Variants in SHCBP1L observed in about 807,000 individuals in gnomAD.
SHCBP1L encodes the protein testicular spindle-associated protein SHCBP1L.
In SHCBP1L, 67 loss-of-function variants were observed where a neutral mutation model predicts 62.5. The observed-to-expected ratio is 1.07, with a 90% CI of 0.88 to 1.31. SHCBP1L has a LOEUF of 1.31. Ranked by LOEUF, SHCBP1L falls within the 40% of genes most tolerant of loss-of-function variation. The probability of loss-of-function intolerance (pLI) is 0.00; values close to 1 mark genes in which losing one functional copy is unlikely to be tolerated. For missense variants in SHCBP1L, 823 were observed against 809.8 expected (o/e 1.02, Z -0.20); for synonymous variants, 284 against 289.4 (o/e 0.98, Z 0.19).
chr1:182,900,085 ATC>A lies in SHCBP1L; in HGVS notation c.1858_1859del (p.Asp620Ter). On this transcript the variant is annotated frameshift_variant, in exon 10 of 10. Transcript: ENST00000367547. LOFTEE classifies it high-confidence loss of function. The part of the protein sequence containing the change: ...NKRASSGDKK[D>X]DKMLFKVMQN... The stretch of plus-strand genomic sequence containing the variant: ...GCATTACTTTGAAGAGCATTTTATC[ATC>A]TTTTTTATCTCCTGAAGAAGCCCTT... The A allele has an allele frequency of 6.2e-7, 1 of 1,612,754 alleles. No individual in the cohort carries two copies. Among genetic ancestry groups the A allele is most frequent in the Non-Finnish European group, 8.5e-7 (1 of 1,179,282 alleles).
Position 182,907,580 on chromosome 1 carries a change from ATTG to A in SHCBP1L, c.1183-1934_1183-1932del, listed in dbSNP as rs201959486. 3.0e-3 allele frequency among the ~76,000 whole-genome samples: 454 copies of A among 150,726 alleles called. 8 individuals carry two copies. The highest frequency in any genetic ancestry group is 2.1e-3 in the South Asian group (10 of 4,782). ...TCTTATTCTTATTATTATTATTATT[ATTG>A]TTATTATTATTACTATTTTGAGATG... On this transcript the variant is annotated intron_variant, in intron 6 of 9. Transcript: ENST00000367547.
intron 2 of SHCBP1L, chr1:182,942,483 C>A: frequency 1.6e-6 from 1 of 643,098 alleles, no homozygotes; most frequent in South Asian, 1.7e-5. Flanking sequence ...GCTGCCTGGC[C>A]GCTGCCACTC....
chr1:182,939,206 A>G lies in SHCBP1L; in HGVS notation c.1046T>C (p.Leu349Ser). 1 of 1,612,394 alleles carries G rather than the reference A, an allele frequency of 6.2e-7. No individual in the cohort carries two copies. The highest frequency in any genetic ancestry group is 8.5e-7 in the Non-Finnish European group (1 of 1,179,590). The change falls in exon 5 of 10, where the codon TTA becomes TCA. Residue 349 changes from leucine (L) to serine (S), a missense_variant. Physicochemically the swap from Leu to Ser is moderately radical, Grantham distance 145. Coordinates refer to ENST00000367547, the MANE Select transcript of SHCBP1L (RefSeq NM_030933.4). ...KYYEIVMLCG[L>S]LKMWEDLRLR... is the part of the protein sequence containing the mutation. ...GCGTAAATCTTCCCACATTTTCAGTAATCCACAGAGCATGACTATCTCATA... is the reference window on the plus strand; with the variant it reads ...GCGTAAATCTTCCCACATTTTCAGTGATCCACAGAGCATGACTATCTCATA...
At chr1:182,907,087 G>A (rs938558666) in intron 6 of SHCBP1L, among the ~76,000 whole-genome samples, 3 of 151,896 alleles carry the variant, frequency 2.0e-5, no homozygotes, top group African/African-American at 7.2e-5. Flanking sequence ...AGAGTGCTGG[G>A]ATTACAGGTA....
chr1:182,951,166 CCTT>C, intron 2 of SHCBP1L, 149 bp downstream of exon 2: 1 of 546,174 alleles, frequency 1.8e-6, no homozygotes, highest in Non-Finnish European at 3.0e-6. Context: ...ATTCCCCTAA[CCTT>C]CTTTTTACAC....
chr1:182,949,161 A>C (rs1367392399), intron 2 of SHCBP1L, among the ~76,000 whole-genome samples: 1 of 152,138 alleles, frequency 6.6e-6, no homozygotes, highest in African/African-American at 2.4e-5. Flanking sequence ...TATAGGGGCT[A>C]TCATGAGGTA....
At chr1:182,949,487 G>A (rs1229423100) in intron 2 of SHCBP1L, among the ~76,000 whole-genome samples, 2 of 151,820 alleles carry the variant, frequency 1.3e-5, no homozygotes, top group East Asian at 1.9e-4. Flanking sequence ...ACTTGAGGTC[G>A]GGGGTTCGAG....
chr1:182,924,912 AG>A (rs1310726635), intron 6 of SHCBP1L, among the ~76,000 whole-genome samples: 203 of 135,152 alleles, frequency 1.5e-3, no homozygotes, highest in African/African-American at 5.2e-3. Context: ...AGAGAAAGAA[AG>A]GAAAGGAAGG....
At chr1:182,942,006 C>T in intron 2 of SHCBP1L, 1 of 985,042 alleles carries the variant, frequency 1.0e-6, no homozygotes, top group Admixed American at 2.0e-5. Flanking sequence ...TCTAGAGCTA[C>T]TAAAAAACTT....
chr1:182,919,735 G>A (rs565754217), intron 6 of SHCBP1L, among the ~76,000 whole-genome samples: 2 of 152,272 alleles, frequency 1.3e-5, no homozygotes, highest in African/African-American at 4.8e-5. Context: ...CGTTCACTGA[G>A]GAAGATCAAA....
At chr1:182,925,049 A>AAAGGGAAGG (rs1386090518) in intron 6 of SHCBP1L, among the ~76,000 whole-genome samples, 31 of 117,802 alleles carry the variant, frequency 2.6e-4, no homozygotes, top group African/African-American at 4.2e-4. Context: ...GGAAGGGAAG[A>AAAGGGAAGG]AAGGGAAGGA....
chr1:182,925,117 G>A (rs1303387226), intron 6 of SHCBP1L, among the ~76,000 whole-genome samples: 1 of 151,874 alleles, frequency 6.6e-6, no homozygotes, highest in Non-Finnish European at 1.5e-5. Flanking sequence ...AAAGAAAGAA[G>A]GAGGGGGAGG....
intron 5 of SHCBP1L, among the ~76,000 whole-genome samples, chr1:182,936,686 G>A (rs1651186724): frequency 6.6e-6 from 1 of 151,798 alleles, no homozygotes; most frequent in Non-Finnish European, 1.5e-5. Flanking sequence ...AGTAATCCAT[G>A]AGCTTTAATT....
chr1:182,915,378 T>C lies in SHCBP1L; in HGVS notation c.1183-9729A>G, dbSNP rs114965789. On this transcript the variant is annotated intron_variant, in intron 6 of 9. Transcript: ENST00000367547. ...TATTATATATTAACAAAAGAGTTAA[T>C]TCATCAAGAAGATGTACCAATAAGC... 4.4e-3 allele frequency among the ~76,000 whole-genome samples: 676 copies of C among 152,188 alleles called. 3 individuals are homozygous for C. The highest frequency in any genetic ancestry group is 0.015 in the African/African-American group (606 of 41,530).
At chr1:182,946,139 C>T (rs1228034398) in intron 2 of SHCBP1L, among the ~76,000 whole-genome samples, 1 of 150,918 alleles carries the variant, frequency 6.6e-6, no homozygotes, top group Non-Finnish European at 1.5e-5. Context: ...CTATCTTTTT[C>T]CTCTCTGGAA....
chr1:182,921,080 C>T (rs1461554349), intron 6 of SHCBP1L, among the ~76,000 whole-genome samples: 3 of 152,092 alleles, frequency 2.0e-5, no homozygotes, highest in Non-Finnish European at 4.4e-5. Flanking sequence ...TCATCAGATT[C>T]TTCAAGGTCA....
intron 6 of SHCBP1L, among the ~76,000 whole-genome samples, chr1:182,925,774 T>A (rs1442660465): frequency 1.3e-5 from 2 of 152,146 alleles, no homozygotes; most frequent in African/African-American, 2.4e-5. Flanking sequence ...ACAGCCCCAC[T>A]TTCCCCAATA....
chr1:182,927,541 G>C (rs571084398), intron 6 of SHCBP1L, among the ~76,000 whole-genome samples: 42 of 151,738 alleles, frequency 2.8e-4, no homozygotes, highest in Non-Finnish European at 6.2e-4. Flanking sequence ...GCGTAGTGGC[G>C]GGCGCCTGTA....
intron 6 of SHCBP1L, among the ~76,000 whole-genome samples, chr1:182,917,699 T>A (rs886904461): frequency 1.3e-5 from 2 of 152,182 alleles, no homozygotes; most frequent in African/African-American, 2.4e-5. Flanking sequence ...TCCTGATGTC[T>A]TTTTCTGTGT....
Sources: allele counts gnomAD v4.1 joint callset (sites outside exome capture counted in the v4.1 genomes callset), GRCh38; gene constraint gnomAD v4.1.1; transcripts MANE v1.5; gene names NCBI Gene and HGNC (gene_info 2026-07-23, HGNC 2026-07-21).